PDSS2: variants seen among roughly 807,000 people sequenced by gnomAD.
The protein encoded by PDSS2 is decaprenyl diphosphate synthase subunit 2, also known as all trans-polyprenyl-diphosphate synthase PDSS2.
PDSS2 carries 31 observed loss-of-function variants against 44.5 expected under a neutral mutation model. That is an observed-to-expected ratio of 0.70 (90% CI 0.52 to 0.94). The LOEUF is 0.94. Ranked by LOEUF, PDSS2 falls within the 40% of genes least tolerant of loss-of-function variation. PDSS2 has a pLI of 0.00. For synonymous variants in PDSS2, 157 were observed against 180.3 expected (o/e 0.87, Z 1.03); for missense variants, 452 against 482.2 (o/e 0.94, Z 0.59).
chr6:107,255,580 C>G (rs1052567023), intron 3 of PDSS2, among the ~76,000 whole-genome samples: 6 of 125,922 alleles, frequency 4.8e-5, no homozygotes, highest in African/African-American at 1.7e-4. Context: ...GCTTGGGCAA[C>G]AAGAGTGAAA....
chr6:107,267,059 G>T (rs763910906), intron 3 of PDSS2, among the ~76,000 whole-genome samples: 1 of 152,158 alleles, frequency 6.6e-6, no homozygotes, highest in African/African-American at 2.4e-5. Flanking sequence ...CAATACCACC[G>T]TTTGAACCTT....
At chr6:107,319,218 C>T (rs896378279) in intron 2 of PDSS2, among the ~76,000 whole-genome samples, 1 of 152,122 alleles carries the variant, frequency 6.6e-6, no homozygotes, top group African/African-American at 2.4e-5. Flanking sequence ...AATGTTTCTT[C>T]TCTTATACCT....
intron 1 of PDSS2, among the ~76,000 whole-genome samples, chr6:107,397,826 T>C (rs1458647801): frequency 6.6e-6 from 1 of 152,220 alleles, no homozygotes; most frequent in Non-Finnish European, 1.5e-5. Context: ...CAATACCTAA[T>C]GACTTTTTCT....
intron 7 of PDSS2, among the ~76,000 whole-genome samples, chr6:107,159,314 A>T (rs1404346799): frequency 1.0e-5 from 1 of 99,448 alleles, no homozygotes; most frequent in Non-Finnish European, 1.9e-5. Flanking sequence ...GGGAGGCGGA[A>T]GGGAGGGAGG....
At chr6:107,292,971 G>A (rs1582902448) in intron 2 of PDSS2, among the ~76,000 whole-genome samples, 1 of 152,186 alleles carries the variant, frequency 6.6e-6, no homozygotes, top group Admixed American at 6.5e-5. Context: ...ATCTGGGTGC[G>A]GCGGCTGTCA....
At chr6:107,345,642 G>A (rs772520787) in intron 1 of PDSS2, among the ~76,000 whole-genome samples, 8 of 151,694 alleles carry the variant, frequency 5.3e-5, no homozygotes, top group African/African-American at 2.4e-5. Flanking sequence ...ATACCTCAAG[G>A]GCAAATTAGG....
intron 4 of PDSS2, among the ~76,000 whole-genome samples, chr6:107,215,339 C>T (rs1049787144): frequency 5.3e-5 from 8 of 152,048 alleles, no homozygotes; most frequent in East Asian, 1.9e-4. Flanking sequence ...CTGCAGTGGG[C>T]CATAATCATG....
chr6:107,348,807 A>C (rs1369553729), intron 1 of PDSS2, among the ~76,000 whole-genome samples: 1 of 152,196 alleles, frequency 6.6e-6, no homozygotes, highest in Non-Finnish European at 1.5e-5. Flanking sequence ...ATCAAACTCA[A>C]ATGACATAAT....
intron 1 of PDSS2, among the ~76,000 whole-genome samples, chr6:107,454,417 C>T (rs1268745390): frequency 6.6e-6 from 1 of 152,124 alleles, no homozygotes; most frequent in African/African-American, 2.4e-5. Flanking sequence ...TTATAGTTTA[C>T]AACAGAGAGA....
intron 7 of PDSS2, among the ~76,000 whole-genome samples, chr6:107,179,483 G>C (rs968149899): frequency 2.0e-5 from 3 of 150,260 alleles, no homozygotes; most frequent in Non-Finnish European, 4.4e-5. Context: ...GTTTCACCAT[G>C]TTGGTCAGGC....
chr6:107,158,895 A>G (rs1771011842), intron 7 of PDSS2, among the ~76,000 whole-genome samples: 2 of 151,732 alleles, frequency 1.3e-5, no homozygotes, highest in African/African-American at 4.8e-5. Context: ...CACCCAGTCA[A>G]TTTTTATATT....
chr6:107,395,347 A>C (rs192070703), intron 1 of PDSS2, among the ~76,000 whole-genome samples: 7 of 152,222 alleles, frequency 4.6e-5, no homozygotes, highest in African/African-American at 1.7e-4. Flanking sequence ...TCACATATGA[A>C]AATTTTTGAA....
chr6:107,388,423 G>A (rs1008853246), intron 1 of PDSS2, among the ~76,000 whole-genome samples: 1 of 150,764 alleles, frequency 6.6e-6, no homozygotes, highest in Non-Finnish European at 1.5e-5. Flanking sequence ...GAAAACTTAC[G>A]TTCATGTAAA....
intron 2 of PDSS2, among the ~76,000 whole-genome samples, chr6:107,309,681 T>G (rs911300454): frequency 3.3e-5 from 5 of 152,194 alleles, no homozygotes; most frequent in Non-Finnish European, 7.3e-5. Context: ...TGCGAATCCT[T>G]GATAACACAT....
At chr6:107,285,088 A>G (rs1282897743) in intron 2 of PDSS2, among the ~76,000 whole-genome samples, 2 of 152,198 alleles carry the variant, frequency 1.3e-5, no homozygotes, top group African/African-American at 4.8e-5. Flanking sequence ...TTTGCATATC[A>G]ATAGAAAACT....
At chr6:107,333,519 T>A (rs1306808097) in intron 2 of PDSS2, among the ~76,000 whole-genome samples, 1 of 152,148 alleles carries the variant, frequency 6.6e-6, no homozygotes, top group Non-Finnish European at 1.5e-5. Context: ...TCAATCTTTA[T>A]ACAATGAGGT....
chr6:107,235,238 C>T (rs1159044707), intron 4 of PDSS2, among the ~76,000 whole-genome samples: 1 of 152,178 alleles, frequency 6.6e-6, no homozygotes, highest in Non-Finnish European at 1.5e-5. Context: ...GCAGAGAGAG[C>T]TCTGAAGGTA....
At position 107,157,552 on chromosome 6, in the gene PDSS2, A is replaced by G. The variant is rs74764485; in HGVS notation, c.1042-2775T>C. On this transcript the variant is annotated intron_variant, in intron 7 of 7. Transcript: ENST00000369037. ...CTCCCCCACCCCAACAAGCTCCCCA[A>G]ATTCCACCTGGGTGGAATGCACTGA... Among the ~76,000 whole-genome samples the G allele has an allele frequency of 0.01, 1,548 of 152,198 alleles. 71 individuals are homozygous for G. In the East Asian group the frequency reaches 0.16, roughly 15 times the overall value.
intron 4 of PDSS2, among the ~76,000 whole-genome samples, chr6:107,226,581 G>A (rs373426602): frequency 6.6e-6 from 1 of 152,144 alleles, no homozygotes. Flanking sequence ...CAGACAGTGA[G>A]GGTGAGAATG....
Sources: gnomAD v4.1 joint callset for allele counts (sites outside exome capture counted in the v4.1 genomes callset) on GRCh38, gnomAD v4.1.1 for gene constraint, MANE v1.5 for transcripts, NCBI Gene and HGNC (gene_info 2026-07-23, HGNC 2026-07-21) for gene names.